MCOLN3: variants seen among roughly 807,000 people sequenced by gnomAD.
MCOLN3 encodes the protein mucolipin-3.
A neutral mutation model predicts 69.4 loss-of-function variants in MCOLN3; 62 were observed. The observed-to-expected ratio is 0.89, with a 90% CI of 0.73 to 1.10. The LOEUF (loss-of-function observed/expected upper bound fraction) is 1.10. MCOLN3 is among the 50% of genes least tolerant of loss of function. The probability of loss-of-function intolerance (pLI) is 0.00; values close to 1 mark genes in which losing one functional copy is unlikely to be tolerated. For synonymous variants in MCOLN3, 183 were observed against 217.0 expected, an observed-to-expected ratio of 0.84 and a Z score of 1.38; for missense variants, 564 against 656.4, an observed-to-expected ratio of 0.86 and a Z score of 1.54.
intron 3 of MCOLN3, among the ~76,000 whole-genome samples, chr1:85,039,240 T>C (rs1275526726): frequency 6.6e-6 from 1 of 152,158 alleles, no homozygotes; most frequent in Non-Finnish European, 1.5e-5. Context: ...ACATGGAATG[T>C]ATGTGTCCCT....
intron 6 of MCOLN3, among the ~76,000 whole-genome samples, chr1:85,030,148 T>C (rs935292335): frequency 6.6e-6 from 1 of 152,224 alleles, no homozygotes; most frequent in African/African-American, 2.4e-5. Context: ...ACCCAGCCTA[T>C]GGCCTCGTGC....
At chr1:85,030,617 G>T (rs779766253) in intron 6 of MCOLN3, among the ~76,000 whole-genome samples, 4 of 152,066 alleles carry the variant, frequency 2.6e-5, no homozygotes, top group Non-Finnish European at 4.4e-5. Flanking sequence ...TAAACCTACA[G>T]ATCCAAGATG....
At chr1:85,043,678 C>G (rs1653193200) in intron 2 of MCOLN3, among the ~76,000 whole-genome samples, 1 of 152,068 alleles carries the variant, frequency 6.6e-6, no homozygotes, top group African/African-American at 2.4e-5. Context: ...AGAAACTAAA[C>G]TTTTCACTAT....
At chr1:85,041,990 G>GGC (rs993221339) in intron 2 of MCOLN3, among the ~76,000 whole-genome samples, 23 of 148,550 alleles carry the variant, frequency 1.5e-4, no homozygotes, top group Non-Finnish European at 4.5e-5. Flanking sequence ...AGCACACACA[G>GGC]GCACACACAC....
chr1:85,027,996 T>C (rs1652308288), intron 7 of MCOLN3, among the ~76,000 whole-genome samples: 1 of 152,206 alleles, frequency 6.6e-6, no homozygotes, highest in Admixed American at 6.5e-5. Context: ...AATTACTACA[T>C]AAATGTCTAA....
chr1:85,032,884 A>C lies in MCOLN3; in HGVS notation c.623T>G (p.Leu208Arg). ...CTGCTCCCCTCACCTGTGGAAGTCC[A>C]GTGTTAAGTTCAGTTTATTTTCTGC... is the stretch of plus-strand genomic sequence containing the variant. ...TPAENKLNLT[L>R]DFHRLLTVEL... The change falls in exon 5 of 13, where the codon CTG (leucine) becomes CGG (arginine). Residue 208 changes from leucine (L) to arginine (R), a missense_variant. By Grantham distance (102) the Leu-to-Arg change is moderately radical. Coordinates refer to ENST00000370589, the MANE Select transcript of MCOLN3 (RefSeq NM_018298.11). 6.2e-7 allele frequency: 1 copy of C among 1,614,198 alleles called. No individual in the cohort carries two copies.
intron 2 of MCOLN3, among the ~76,000 whole-genome samples, chr1:85,044,822 T>C (rs1235035253): frequency 1.3e-5 from 2 of 152,212 alleles, no homozygotes; most frequent in Admixed American, 6.5e-5. Context: ...CTAGTTTCCA[T>C]GGCTTATTTA....
intron 1 of MCOLN3, among the ~76,000 whole-genome samples, chr1:85,047,969 G>A (rs1241592710): frequency 1.3e-5 from 2 of 152,188 alleles, no homozygotes; most frequent in African/African-American, 4.8e-5. Flanking sequence ...CTAACAGGGG[G>A]ACAGTCCGCC....
At position 85,021,054 on chromosome 1, in the gene MCOLN3, C is replaced by T; in HGVS notation, c.1527+16G>A. 1 of 1,585,418 alleles carries T rather than the reference C, an allele frequency of 6.3e-7. No homozygotes were observed. Among genetic ancestry groups the T allele is most frequent in the Non-Finnish European group, 8.6e-7 (1 of 1,159,536 alleles). On this transcript the variant is annotated intron_variant, in intron 12 of 12. Coordinates refer to ENST00000370589, the MANE Select transcript of MCOLN3 (RefSeq NM_018298.11). ...TATAGGACAATGCTACTACTTATGG[C>T]TCTTGATAAACCTACCTTAATTGTT...
intron 9 of MCOLN3, chr1:85,025,432 T>C (rs1019206813): frequency 2.0e-5 from 3 of 152,444 alleles, no homozygotes; most frequent in Admixed American, 2.0e-4. Context: ...TAAATAAGCT[T>C]GTAGCACATC....
chr1:85,040,196 C>T (rs927147833), intron 3 of MCOLN3, among the ~76,000 whole-genome samples: 5 of 152,212 alleles, frequency 3.3e-5, no homozygotes, highest in Admixed American at 3.3e-4. Flanking sequence ...CTCATTTTCC[C>T]AACCCCAGTG....
At position 85,028,683 on chromosome 1, in the gene MCOLN3, A is replaced by G. The variant is rs546740133; in HGVS notation, c.832+423T>C. 2.6e-5 allele frequency among the ~76,000 whole-genome samples: 4 copies of G among 152,280 alleles called. No homozygotes were observed. In the South Asian group the frequency reaches 8.3e-4, roughly 32 times the overall value. On this transcript the variant is annotated intron_variant, in intron 7 of 12. Coordinates refer to ENST00000370589, the MANE Select transcript of MCOLN3 (RefSeq NM_018298.11). The stretch of plus-strand genomic sequence containing the variant: ...GTGGGATGCTGCAGGGTCACATCCT[A>G]CCTGACTTGCCCCTGGCTTCTGAGC...
intron 9 of MCOLN3, chr1:85,025,089 C>A (rs1295762814): frequency 6.6e-6 from 1 of 152,222 alleles, no homozygotes; most frequent in Non-Finnish European, 1.5e-5. Context: ...CGGCAATAAT[C>A]ATGCAGTCAG....
At chr1:85,020,803 GC>G (rs906653030) in intron 12 of MCOLN3, among the ~76,000 whole-genome samples, 6 of 151,952 alleles carry the variant, frequency 3.9e-5, no homozygotes, top group Admixed American at 3.9e-4. Flanking sequence ...TTTACTCTTT[GC>G]CCCCCAGACT....
At chr1:85,029,350 G>A in intron 6 of MCOLN3, 145 bp from the exon 7 acceptor site, 2 of 596,590 alleles carry the variant, frequency 3.4e-6, no homozygotes, top group Admixed American at 3.0e-5. Context: ...GTTCAACCAT[G>A]GGAAGTTCTC....
chr1:85,037,310 A>T (rs1652847455), intron 3 of MCOLN3, among the ~76,000 whole-genome samples: 2 of 152,274 alleles, frequency 1.3e-5, no homozygotes, highest in South Asian at 4.2e-4. Flanking sequence ...TGTGCCTAGA[A>T]CATATGATGT....
intron 6 of MCOLN3, 36 bp from the exon 7 acceptor site, chr1:85,029,241 T>G (rs371360127): frequency 1.5e-6 from 2 of 1,356,542 alleles, no homozygotes; most frequent in Non-Finnish European, 2.1e-6. Context: ...AACATACTTA[T>G]AGTTTTGGAG....
chr1:85,032,835 T>C, intron 5 of MCOLN3, 37 bp downstream of exon 5: 1 of 1,613,598 alleles, frequency 6.2e-7, no homozygotes, highest in Admixed American at 1.7e-5. Context: ...AATATATACG[T>C]GCAAACGTAA....
chr1:85,025,731 T>A, intron 9 of MCOLN3: 1 of 527,044 alleles, frequency 1.9e-6, no homozygotes, highest in Non-Finnish European at 3.4e-6. Context: ...ATGATTCTGA[T>A]GCAATGGTTT....
Sources: gnomAD v4.1 joint callset for allele counts (sites outside exome capture counted in the v4.1 genomes callset) on GRCh38, gnomAD v4.1.1 for gene constraint, MANE v1.5 for transcripts, NCBI Gene and HGNC (gene_info 2026-07-23, HGNC 2026-07-21) for gene names.